CRAMP1: variants seen among roughly 807,000 people sequenced by gnomAD.
CRAMP1 encodes the protein protein cramped-like.
In CRAMP1, 50 loss-of-function variants were observed where a neutral mutation model predicts 115.4. The ratio of observed to expected loss-of-function variants is 0.43; its 90% confidence interval spans 0.35 to 0.55. The LOEUF (loss-of-function observed/expected upper bound fraction) is 0.55. Ranked by LOEUF, CRAMP1 falls within the 20% of genes least tolerant of loss-of-function variation. The pLI, the probability that CRAMP1 is intolerant of heterozygous loss-of-function variation, is 0.01. For synonymous variants in CRAMP1, 866 were observed against 745.4 expected (o/e 1.16, Z -2.64); for missense variants, 1,679 against 1,721.7 (o/e 0.98, Z 0.44).
At chr16:1,635,808 G>A (rs2036584350) in intron 4 of CRAMP1, among the ~76,000 whole-genome samples, 1 of 152,214 alleles carries the variant, frequency 6.6e-6, no homozygotes, top group Non-Finnish European at 1.5e-5. Context: ...AGGAAACCCT[G>A]TGCCCCGGTG....
intron 2 of CRAMP1, chr16:1,625,538 T>A (rs773720921): frequency 6.4e-6 from 1 of 155,892 alleles, no homozygotes; most frequent in Non-Finnish European, 1.4e-5. Context: ...CACGTTTGTT[T>A]CCTTGAGTTT....
chr16:1,668,109 C>T lies in CRAMP1; in HGVS notation c.3250C>T (p.Pro1084Ser), dbSNP rs61746451. 9.4e-3 allele frequency: 15,194 copies of T among 1,613,660 alleles called. 80 individuals carry two copies. Among genetic ancestry groups the T allele is most frequent in the Middle Eastern group, 0.015 (93 of 6,062 alleles). ...GCTCGACATCTCCCTGCCCGGCCCA[C>T]CTGAGGATGCGCTGTCACAGGGCGA... The part of the protein sequence containing the change: ...ALLDISLPGP[P>S]EDALSQGEPA... Residue 1084 changes from proline to serine, a missense_variant, in exon 18 of 21, where the codon CCT becomes TCT. Coordinates refer to ENST00000397412, the MANE Select transcript of CRAMP1 (RefSeq NM_020825.4).
At chr16:1,615,463 G>C (rs993763061) in intron 2 of CRAMP1, among the ~76,000 whole-genome samples, 3 of 152,186 alleles carry the variant, frequency 2.0e-5, no homozygotes, top group Non-Finnish European at 4.4e-5. Context: ...TGGACCCATT[G>C]TCCTCTCCTT....
intron 9 of CRAMP1, 54 bp from the exon 10 acceptor site, chr16:1,655,823 C>A (rs910468843): frequency 6.4e-7 from 1 of 1,558,876 alleles, no homozygotes; most frequent in South Asian, 1.2e-5. Context: ...TGTGCCTGGT[C>A]AGCATCCCGA....
rs1008696307 is a variant in CRAMP1, at chr16:1,675,059, T to C, written c.*1014T>C. On this transcript the variant is annotated 3_prime_UTR_variant, in exon 21 of 21. Coordinates refer to ENST00000397412, the MANE Select transcript of CRAMP1 (RefSeq NM_020825.4). The stretch of plus-strand genomic sequence containing the variant: ...TACGTGTTCAGTCCCTTGCATACCT[T>C]TGCCTTGAGACTTCTGTGTCTCCTT... 3 of 152,290 alleles carry C rather than the reference T, an allele frequency of 2.0e-5. No individual in the cohort carries two copies. The highest frequency in any genetic ancestry group is 4.4e-5 in the Non-Finnish European group (3 of 68,068). The allele number at this position is 152,290 out of a possible 1,614,324, so 9.4% of individuals were successfully genotyped here. A position where few individuals can be genotyped will look rare whatever the true frequency, so the allele number is the denominator to read the frequency against.
At chr16:1,644,790 G>C (rs2036659776) in intron 6 of CRAMP1, among the ~76,000 whole-genome samples, 1 of 152,160 alleles carries the variant, frequency 6.6e-6, no homozygotes, top group Non-Finnish European at 1.5e-5. Context: ...GGGTAAAACT[G>C]TGCCTCTCGT....
In CRAMP1 at chr16:1,622,581, G is replaced by A. The variant is rs140330443; in HGVS notation, c.347-3392G>A. 4.6e-3 allele frequency among the ~76,000 whole-genome samples: 698 copies of A among 152,188 alleles called. 1 individual carries two copies. The highest frequency in any genetic ancestry group is 0.014 in the Middle Eastern group (4 of 294). On this transcript the variant is annotated intron_variant, in intron 2 of 20. Transcript: ENST00000397412. Reference sequence around the variant, plus strand: ...AATATTAGAAAAGGTTACTTGGGGCGATTTGCTTTCTTGTCTGTTTTTTGG... The same window carrying A: ...AATATTAGAAAAGGTTACTTGGGGCAATTTGCTTTCTTGTCTGTTTTTTGG...
intron 6 of CRAMP1, among the ~76,000 whole-genome samples, chr16:1,647,438 T>A (rs1009341927): frequency 1.3e-5 from 2 of 152,166 alleles, no homozygotes; most frequent in Non-Finnish European, 2.9e-5. Context: ...GCAATGATAT[T>A]TCTATTCTGA....
rs945743471 is a variant in CRAMP1 at position 1,672,513 on chromosome 16, C to G, written c.3646-1368C>G. Among the ~76,000 whole-genome samples the G allele has an allele frequency of 9.2e-5, 14 of 152,256 alleles. No homozygotes were observed. The highest frequency in any genetic ancestry group is 2.9e-4 in the African/African-American group (12 of 41,526). On this transcript the variant is annotated intron_variant, in intron 20 of 20. Transcript: ENST00000397412. The surrounding 1 kb of genome is among the most constrained non-coding windows in gnomAD (Gnocchi z 4.9). Reference sequence around the variant, plus strand: ...CCTGGGATGAAACGGGTGGGAGCTGCTGATGGACATACAGGGGAAGGAGAA... The same window carrying G: ...CCTGGGATGAAACGGGTGGGAGCTGGTGATGGACATACAGGGGAAGGAGAA...
In CRAMP1 at chr16:1,647,001, C is replaced by T. The variant is rs988136559; in HGVS notation, c.828-5495C>T. 5.7e-6 allele frequency: 4 copies of T among 702,300 alleles called. No individual in the cohort carries two copies. The African/African-American group carries it at 7.0e-5, about 12-fold the overall frequency. The allele number at this position is 702,300 out of a possible 1,614,324, so 43.5% of individuals were successfully genotyped here. A position where few individuals can be genotyped will look rare whatever the true frequency, so the allele number is the denominator to read the frequency against. On this transcript the variant is annotated intron_variant, in intron 6 of 20. Transcript: ENST00000397412. ...CCTTCTGTTCTGTCAACTTTTGTGA[C>T]CGTTCTTTGACCAGCAGACATTCGT...
At chr16:1,615,937 G>A (rs543474250) in intron 2 of CRAMP1, among the ~76,000 whole-genome samples, 16 of 152,186 alleles carry the variant, frequency 1.1e-4, no homozygotes, top group Non-Finnish European at 2.4e-4. Flanking sequence ...GTTTTGACAA[G>A]GAAATATATT....
Position 1,677,013 on chromosome 16 carries a change from A to G in CRAMP1, c.*2968A>G, listed in dbSNP as rs1441007067. On this transcript the variant is annotated 3_prime_UTR_variant, in exon 21 of 21. Transcript: ENST00000397412. Reference sequence around the variant, plus strand: ...TAATTAGATCACAGCATTGAATTCAAAATTTCTTCTGCAAAGAAAGTTGTG... The same window carrying G: ...TAATTAGATCACAGCATTGAATTCAGAATTTCTTCTGCAAAGAAAGTTGTG... 2 of 152,578 alleles carry G rather than the reference A, an allele frequency of 1.3e-5. No individual in the cohort carries two copies. The highest frequency in any genetic ancestry group is 1.3e-4 in the Admixed American group (2 of 15,284). 9.5% of individuals were successfully genotyped at this position (152,578 alleles called of 1,614,324 possible). A position where few individuals can be genotyped will look rare whatever the true frequency, so the allele number is the denominator to read the frequency against.
chr16:1,649,191 C>T (rs1226405283), intron 6 of CRAMP1, among the ~76,000 whole-genome samples: 2 of 152,034 alleles, frequency 1.3e-5, no homozygotes, highest in Non-Finnish European at 2.9e-5. Context: ...TTTTTTCTAC[C>T]GTCTTGACTC....
At chr16:1,643,787 A>G (rs968961509) in intron 6 of CRAMP1, among the ~76,000 whole-genome samples, 2 of 152,246 alleles carry the variant, frequency 1.3e-5, no homozygotes, top group Non-Finnish European at 2.9e-5. Flanking sequence ...GGAGCCTGGC[A>G]TGGGTCCCCA....
chr16:1,614,154 C>T lies in CRAMP1; in HGVS notation c.-1-485C>T, dbSNP rs1457765439. ...GTGGGACGAGGGGCTAGGGCTGGGGCTGCGGCCCGGCCGGCCGAGGCGGCG... is the reference window on the plus strand; with the variant it reads ...GTGGGACGAGGGGCTAGGGCTGGGGTTGCGGCCCGGCCGGCCGAGGCGGCG... On this transcript the variant is annotated intron_variant, in intron 1 of 20. Coordinates refer to ENST00000397412, the MANE Select transcript of CRAMP1 (RefSeq NM_020825.4). This position sits in a 1 kb window ranked among gnomAD's most constrained non-coding sequence, Gnocchi z 4.4. Among the ~76,000 whole-genome samples the T allele has an allele frequency of 5.4e-5, 8 of 148,750 alleles. No homozygotes were observed. The highest frequency in any genetic ancestry group is 4.2e-4 in the South Asian group (2 of 4,788).
Position 1,670,829 on chromosome 16 carries a change from A to T in CRAMP1, c.3645+20A>T. ...GCAGAGGTGAGTGCATTGACCTCAC[A>T]GCTGCACCTGACCACCAACCCTCGT... On this transcript the variant is annotated intron_variant, in intron 20 of 20. Transcript: ENST00000397412. 6.2e-7 allele frequency: 1 copy of T among 1,611,524 alleles called. No homozygotes were observed.
intron 13 of CRAMP1, among the ~76,000 whole-genome samples, chr16:1,664,814 C>G (rs1253929762): frequency 6.6e-6 from 1 of 151,634 alleles, no homozygotes; most frequent in East Asian, 1.9e-4. Context: ...CTCTGACATT[C>G]CTCCAGTTTC....
At chr16:1,655,423 C>T (rs2036762694) in intron 9 of CRAMP1, 123 bp downstream of exon 9, 6 of 787,522 alleles carry the variant, frequency 7.6e-6, no homozygotes, top group Non-Finnish European at 1.3e-5. Context: ...CATGCTGTGA[C>T]ATGGTGTACA....
At chr16:1,642,377 G>A (rs11866502) in intron 6 of CRAMP1, among the ~76,000 whole-genome samples, 12,845 of 152,276 alleles carry the variant, frequency 0.084, 625 homozygotes, top group African/African-American at 0.12. Context: ...CCCAGGCTGT[G>A]TGTGAGCTGC....
Sources: allele counts gnomAD v4.1 joint callset (sites outside exome capture counted in the v4.1 genomes callset), GRCh38; gene constraint gnomAD v4.1.1; non-coding constraint Gnocchi (gnomAD v3.1); transcripts MANE v1.5; gene names NCBI Gene and HGNC (gene_info 2026-07-23, HGNC 2026-07-21).